The following TFPI variants were observed in gnomAD, a reference collection of about 807,000 sequenced individuals.
TFPI encodes the protein tissue factor pathway inhibitor, also known as anti-convertin.
TFPI carries 15 observed loss-of-function variants against 34.6 expected under a neutral mutation model. The observed-to-expected ratio is 0.43, with a 90% CI of 0.29 to 0.67. The LOEUF (loss-of-function observed/expected upper bound fraction) is 0.67. Among genes scored for constraint, TFPI ranks in the 30% least tolerant of loss-of-function variants. The pLI is 0.15. For missense variants in TFPI, 301 were observed against 364.0 expected, an observed-to-expected ratio of 0.83 and a Z score of 1.41; for synonymous variants, 105 against 120.1, an observed-to-expected ratio of 0.87 and a Z score of 0.82.
chr2:187,492,484 CTG>C (rs1195517548), intron 3 of TFPI, among the ~76,000 whole-genome samples: 1 of 152,150 alleles, frequency 6.6e-6, no homozygotes, highest in East Asian at 1.9e-4. Flanking sequence ...CCATTCACCA[CTG>C]TGTGTTTTTG....
chr2:187,489,655 A>T (rs1418339153), intron 3 of TFPI, among the ~76,000 whole-genome samples: 1 of 151,556 alleles, frequency 6.6e-6, no homozygotes, highest in Admixed American at 6.6e-5. Flanking sequence ...TAAGATGGGA[A>T]TATATAAATG....
intron 1 of TFPI, chr2:187,516,458 A>C (rs1354550187): frequency 6.6e-6 from 1 of 152,216 alleles, no homozygotes; most frequent in African/African-American, 2.4e-5. Flanking sequence ...GTACTCCTTC[A>C]AGTAATAAAA....
intron 1 of TFPI, among the ~76,000 whole-genome samples, chr2:187,521,714 G>A (rs866739934): frequency 3.3e-5 from 5 of 151,830 alleles, no homozygotes; most frequent in East Asian, 1.9e-4. Flanking sequence ...GATTACAGGC[G>A]CCTGCCACCA....
chr2:187,503,434 C>T (rs1191249816), intron 2 of TFPI, among the ~76,000 whole-genome samples: 4 of 149,362 alleles, frequency 2.7e-5, no homozygotes, highest in South Asian at 2.1e-4. Context: ...TACTTGGTTT[C>T]GGACTGTTTA....
chr2:187,466,979 C>T lies in TFPI; in HGVS notation c.872G>A (p.Arg291Lys). ...IKTKRKRKKQ[R>K]VKIAYEEIFV... ...AATTTCTTCATATGCTATTTTCACT[C>T]TCTGCTTCTTTCTTTTTCTTTTGGT... Residue 291 changes from arginine (R) to lysine (K), a missense_variant, in exon 8 of 8, where the codon AGA becomes AAA. Transcript: ENST00000233156. 2 of 1,589,724 alleles carry T rather than the reference C, an allele frequency of 1.3e-6. No individual in the cohort carries two copies. The highest frequency in any genetic ancestry group is 1.1e-5 in the South Asian group (1 of 88,022).
intron 4 of TFPI, among the ~76,000 whole-genome samples, chr2:187,486,631 T>G (rs1300051696): frequency 6.6e-6 from 1 of 151,576 alleles, no homozygotes; most frequent in Non-Finnish European, 1.5e-5. Flanking sequence ...AAAATAATTC[T>G]TTTTTTGGCC....
At chr2:187,477,400 A>G (rs1692450097) in intron 6 of TFPI, among the ~76,000 whole-genome samples, 1 of 152,240 alleles carries the variant, frequency 6.6e-6, no homozygotes, top group Non-Finnish European at 1.5e-5. Context: ...CTTAGAACAC[A>G]TTATGAAAGT....
intron 1 of TFPI, among the ~76,000 whole-genome samples, chr2:187,525,838 C>T (rs1687648168): frequency 6.8e-6 from 1 of 147,990 alleles, no homozygotes; most frequent in South Asian, 2.1e-4. Context: ...GAGGAAATAA[C>T]AAACTATTCA....
intron 1 of TFPI, chr2:187,514,217 T>C (rs959654944): frequency 6.6e-6 from 1 of 152,256 alleles, no homozygotes; most frequent in African/African-American, 2.4e-5. Flanking sequence ...GTTACCAAGA[T>C]GCAAATGCCT....
chr2:187,503,627 T>C lies in TFPI; in HGVS notation c.121+21A>G, dbSNP rs58767129. On this transcript the variant is annotated intron_variant, in intron 2 of 7. Transcript: ENST00000233156. ...GAGAGCTTTAACTAGCTTAAAAAGA[T>C]AATTGCTTCTAATATTTTACCTGTG... The C allele has an allele frequency of 1.4e-4, 230 of 1,607,924 alleles. 1 individual carries two copies. In the African/African-American group the frequency reaches 2.9e-3, roughly 20 times the overall value.
chr2:187,526,300 A>G (rs1416333656), intron 1 of TFPI, among the ~76,000 whole-genome samples: 11 of 152,172 alleles, frequency 7.2e-5, no homozygotes, highest in Non-Finnish European at 2.9e-5. Context: ...TTGAAAGACT[A>G]CAAGTGGTAA....
At chr2:187,476,296 C>T (rs1692373544) in intron 6 of TFPI, among the ~76,000 whole-genome samples, 1 of 152,100 alleles carries the variant, frequency 6.6e-6, no homozygotes, top group South Asian at 2.1e-4. Context: ...AACCCCACTC[C>T]ACTGTGTCCC....
rs190010566 is a variant in TFPI, at chr2:187,470,761, C to G, written c.629-2829G>C. Among the ~76,000 whole-genome samples, 12 of 152,308 alleles carry G rather than the reference C, an allele frequency of 7.9e-5. No homozygotes were observed. In the East Asian group the frequency reaches 2.3e-3, roughly 29 times the overall value. On this transcript the variant is annotated intron_variant, in intron 6 of 7. Transcript: ENST00000233156. ...ATAGATGCCAGCAGAGAAAACTTCA[C>G]TAAATTATCCAAGGCATCAGATTGC...
chr2:187,521,590 A>G (rs1304486245), intron 1 of TFPI, among the ~76,000 whole-genome samples: 4 of 151,908 alleles, frequency 2.6e-5, no homozygotes, highest in Non-Finnish European at 4.4e-5. Context: ...TTTTTTTGAG[A>G]CAGAGTCTCA....
chr2:187,546,333 T>C (rs1219629690), intron 1 of TFPI, among the ~76,000 whole-genome samples: 2 of 151,244 alleles, frequency 1.3e-5, no homozygotes, highest in Admixed American at 1.3e-4. Context: ...TTTGAATGAA[T>C]TCACCTTTCT....
intron 6 of TFPI, among the ~76,000 whole-genome samples, chr2:187,477,159 T>C (rs1233781444): frequency 6.6e-6 from 1 of 152,184 alleles, no homozygotes; most frequent in Admixed American, 6.5e-5. Flanking sequence ...AAGTAGACAG[T>C]GGTCATCTAG....
At chr2:187,474,630 C>T (rs144644870) in intron 6 of TFPI, among the ~76,000 whole-genome samples, 4 of 152,034 alleles carry the variant, frequency 2.6e-5, no homozygotes, top group Admixed American at 6.5e-5. Context: ...TTACCACAAC[C>T]GAAGCAGTTA....
chr2:187,484,120 T>C lies in TFPI; in HGVS notation c.628+4A>G, dbSNP rs767332421. 6.8e-6 allele frequency: 11 copies of C among 1,611,308 alleles called. No individual in the cohort carries two copies. The Admixed American group carries it at 1.8e-4, about 27-fold the overall frequency. ...GGAAGCAATAAAATCCACAAGATTC[T>C]TACCAAAAAGGCTGGGAACCTTGGT... On this transcript the variant is annotated splice_donor_region_variant and intron_variant, in intron 6 of 7. Transcript: ENST00000233156.
intron 1 of TFPI, among the ~76,000 whole-genome samples, chr2:187,520,282 C>T (rs1687292295): frequency 6.6e-6 from 1 of 152,078 alleles, no homozygotes; most frequent in Admixed American, 6.5e-5. Context: ...GGGGTAGGCA[C>T]CTGAGGAAAT....
Sources: gnomAD v4.1 joint callset for allele counts (sites outside exome capture counted in the v4.1 genomes callset) on GRCh38, gnomAD v4.1.1 for gene constraint, MANE v1.5 for transcripts, NCBI Gene and HGNC (gene_info 2026-07-23, HGNC 2026-07-21) for gene names.